NYAP2: variants seen among roughly 807,000 people sequenced by gnomAD.
NYAP2 encodes the protein neuronal tyrosine-phosphorylated phosphoinositide-3-kinase adapter 2.
Under a neutral mutation model 50.4 loss-of-function variants are expected in NYAP2, and 23 were observed. That is an observed-to-expected ratio of 0.46 (90% confidence interval 0.33 to 0.65). The LOEUF (loss-of-function observed/expected upper bound fraction) is 0.65. NYAP2 is among the 30% of genes least tolerant of loss of function. NYAP2 has a pLI of 0.02. For missense variants in NYAP2, 885 were observed against 861.0 expected, an observed-to-expected ratio of 1.03 and a Z score of -0.35; for synonymous variants, 394 against 365.2, an observed-to-expected ratio of 1.08 and a Z score of -0.90.
At chr2:225,675,577 C>T in the NYAP2 span, among the ~76,000 whole-genome samples, 1 of 152,082 alleles carries the variant, frequency 6.6e-6, no homozygotes, top group Non-Finnish European at 1.5e-5. Flanking sequence ...GATTCCACTT[C>T]CTTGCTATTG....
At position 225,581,389 on chromosome 2, in the gene NYAP2, G is replaced by C. The variant is rs140836227; in HGVS notation, c.524-552G>C. ...CACATCAATTTCCCCTGAAATATCA[G>C]ACCCATCTGTATGGAAGCTATTTAT... On this transcript the variant is annotated intron_variant, in intron 4 of 6. Coordinates refer to ENST00000636099, the Ensembl canonical transcript of NYAP2. Among the ~76,000 whole-genome samples, 1,381 of 152,258 alleles carry C rather than the reference G, an allele frequency of 9.1e-3. 8 individuals carry two copies. The highest frequency in any genetic ancestry group is 0.022 in the Admixed American group (339 of 15,296).
chr2:225,558,941 G>A (rs1039631953), intron 4 of NYAP2, among the ~76,000 whole-genome samples: 1 of 152,062 alleles, frequency 6.6e-6, no homozygotes, highest in South Asian at 2.1e-4. Context: ...ACTGTGACAC[G>A]TTACCAGAAA....
chr2:225,635,359 G>C (rs868649326), intron 6 of NYAP2, among the ~76,000 whole-genome samples: 2 of 152,276 alleles, frequency 1.3e-5, no homozygotes, highest in Non-Finnish European at 1.5e-5. Flanking sequence ...AAACACTGCT[G>C]TGACCCACTT....
chr2:225,631,588 C>T (rs1331529782), intron 6 of NYAP2, among the ~76,000 whole-genome samples: 5 of 152,076 alleles, frequency 3.3e-5, no homozygotes, highest in Non-Finnish European at 7.4e-5. Flanking sequence ...TATGTGAAAG[C>T]GAAACTCAAA....
chr2:225,436,961 G>T (rs1315687484), intron 3 of NYAP2, among the ~76,000 whole-genome samples: 1 of 151,980 alleles, frequency 6.6e-6, no homozygotes, highest in Non-Finnish European at 1.5e-5. Flanking sequence ...ACCCACCAGG[G>T]CAAGGCTTGG....
chr2:225,589,354 A>G (rs528048475), intron 5 of NYAP2, among the ~76,000 whole-genome samples: 1 of 150,518 alleles, frequency 6.6e-6, no homozygotes, highest in Non-Finnish European at 1.5e-5. Flanking sequence ...GAGAATCCAC[A>G]CATTTTGTTT....
intron 3 of NYAP2, among the ~76,000 whole-genome samples, chr2:225,499,459 C>T (rs1306079168): frequency 1.3e-5 from 2 of 150,616 alleles, no homozygotes; most frequent in Admixed American, 6.6e-5. Flanking sequence ...ACTACAGGCG[C>T]CCGCTACTGT....
intron 2 of NYAP2, among the ~76,000 whole-genome samples, chr2:225,404,400 T>A (rs1205006670): frequency 6.6e-6 from 1 of 152,004 alleles, no homozygotes; most frequent in Non-Finnish European, 1.5e-5. Context: ...GCTCCACATG[T>A]GTATATAATG....
At chr2:225,621,532 A>G (rs1332489416) in intron 5 of NYAP2, among the ~76,000 whole-genome samples, 1 of 152,132 alleles carries the variant, frequency 6.6e-6, no homozygotes, top group Non-Finnish European at 1.5e-5. Flanking sequence ...TGCCAGACAA[A>G]AAGAGCCCTG....
chr2:225,644,018 C>T (rs1693582099), intron 6 of NYAP2, among the ~76,000 whole-genome samples: 1 of 147,436 alleles, frequency 6.8e-6, no homozygotes, highest in South Asian at 2.2e-4. Flanking sequence ...GGAATTGCCA[C>T]ACTGACTTCC....
chr2:225,422,296 T>A (rs1347642923), intron 3 of NYAP2, among the ~76,000 whole-genome samples: 2 of 152,158 alleles, frequency 1.3e-5, no homozygotes, highest in Non-Finnish European at 2.9e-5. Flanking sequence ...AAAGAATACA[T>A]CCACTGAAGC....
intron 3 of NYAP2, among the ~76,000 whole-genome samples, chr2:225,443,577 T>G (rs957566130): frequency 1.3e-5 from 2 of 151,868 alleles, no homozygotes; most frequent in Non-Finnish European, 2.9e-5. Context: ...TGGTCCAGCC[T>G]GGGCAACAGA....
rs757986391 is a variant in NYAP2 at position 225,412,878 on chromosome 2, C to T, written c.221+3777C>T. ...CCCATCAGGACACACTCAGACCTCA[C>T]CTCAAAGACAGTCACAGGTAGAGAC... On this transcript the variant is annotated intron_variant, in intron 3 of 6. Coordinates refer to ENST00000636099, the Ensembl canonical transcript of NYAP2. Among the ~76,000 whole-genome samples the T allele has an allele frequency of 1.9e-4, 29 of 152,194 alleles. No homozygotes were observed. The South Asian group carries it at 5.2e-3, about 27-fold the overall frequency.
chr2:225,486,872 C>T (rs974173209), intron 3 of NYAP2, among the ~76,000 whole-genome samples: 2 of 152,190 alleles, frequency 1.3e-5, no homozygotes, highest in African/African-American at 4.8e-5. Flanking sequence ...CAGCTATTCC[C>T]TAGAATTCCC....
intron 3 of NYAP2, among the ~76,000 whole-genome samples, chr2:225,459,236 G>T (rs1435391233): frequency 6.6e-6 from 1 of 152,176 alleles, no homozygotes; most frequent in African/African-American, 2.4e-5. Flanking sequence ...TTGTGCTAAT[G>T]TTATTGATAT....
chr2:225,549,080 C>T (rs1323527973), intron 4 of NYAP2, among the ~76,000 whole-genome samples: 1 of 152,022 alleles, frequency 6.6e-6, no homozygotes, highest in Non-Finnish European at 1.5e-5. Flanking sequence ...AGGGTTTTGT[C>T]ATTCTGGCCA....
intron 3 of NYAP2, among the ~76,000 whole-genome samples, chr2:225,492,413 G>C (rs994482260): frequency 6.6e-6 from 1 of 152,170 alleles, no homozygotes; most frequent in African/African-American, 2.4e-5. Flanking sequence ...ACTTAGGCTG[G>C]TTAGTTAAAC....
chr2:225,465,447 T>C (rs1454867940), intron 3 of NYAP2, among the ~76,000 whole-genome samples: 1 of 152,138 alleles, frequency 6.6e-6, no homozygotes, highest in Admixed American at 6.6e-5. Flanking sequence ...CCGGGCGCAT[T>C]GGCTCATGCC....
chr2:225,409,198 TC>T, intron 3 of NYAP2, 97 bp downstream of exon 3: 1 of 887,206 alleles, frequency 1.1e-6, no homozygotes, highest in Non-Finnish European at 1.7e-6. Flanking sequence ...GAAAAGGTCT[TC>T]CAGAGTCAGT....
Sources: gnomAD v4.1 joint callset for allele counts (sites outside exome capture counted in the v4.1 genomes callset) on GRCh38, gnomAD v4.1.1 for gene constraint, MANE v1.5 for transcripts, NCBI Gene and HGNC (gene_info 2026-07-23, HGNC 2026-07-21) for gene names.